Variants in DHRSX observed in about 807,000 individuals in gnomAD.
The protein encoded by DHRSX is polyprenol dehydrogenase.
Under a neutral mutation model 34.0 loss-of-function variants are expected in DHRSX, and 31 were observed. The observed-to-expected ratio is 0.91, with a 90% CI of 0.69 to 1.23. DHRSX has a LOEUF of 1.23. Among genes scored for constraint, DHRSX ranks in the 50% most tolerant of loss-of-function variants. The probability of loss-of-function intolerance (pLI) is 0.00; values close to 1 mark genes in which losing one functional copy is unlikely to be tolerated. For synonymous variants in DHRSX, 201 were observed against 183.8 expected (o/e 1.09, Z -0.76); for missense variants, 414 against 428.1 (o/e 0.97, Z 0.29).
At chrX:2,416,709 A>T (rs2043698678) in intron 2 of DHRSX, among the ~76,000 whole-genome samples, 1 of 152,192 alleles carries the variant, frequency 6.6e-6, no homozygotes. Context: ...CCCCACCAAA[A>T]TAATATTTTG....
chrX:2,223,667 G>T (rs2015571514), intron 6 of DHRSX, among the ~76,000 whole-genome samples: 1 of 151,554 alleles, frequency 6.6e-6, no homozygotes, highest in African/African-American at 2.4e-5. Context: ...AGGCACCCAT[G>T]GTGTTTGAGG....
chrX:2,316,244 C>T (rs185331515), intron 3 of DHRSX, among the ~76,000 whole-genome samples: 2 of 151,780 alleles, frequency 1.3e-5, no homozygotes, highest in East Asian at 3.9e-4. Context: ...ATATGGGAGT[C>T]TGCTTCTTCA....
intron 1 of DHRSX, among the ~76,000 whole-genome samples, chrX:2,439,931 T>G (rs2044042125): frequency 6.6e-6 from 1 of 152,146 alleles, no homozygotes; most frequent in Non-Finnish European, 1.5e-5. Context: ...GGACCGGTAC[T>G]GGATGCAAGG....
chrX:2,363,674 G>A (rs868014381), intron 3 of DHRSX, among the ~76,000 whole-genome samples: 14 of 62,082 alleles, frequency 2.3e-4, no homozygotes, highest in Non-Finnish European at 5.8e-4. Flanking sequence ...GTATCATGCT[G>A]CCATTTTATC....
At chrX:2,440,609 TTC>T (rs1472786658) in intron 1 of DHRSX, among the ~76,000 whole-genome samples, 1 of 152,060 alleles carries the variant, frequency 6.6e-6, no homozygotes, top group Non-Finnish European at 1.5e-5. Context: ...GCCTTCATCT[TTC>T]TCCCATGCTG....
intron 3 of DHRSX, among the ~76,000 whole-genome samples, chrX:2,354,978 A>C (rs1361746986): frequency 3.9e-5 from 6 of 152,186 alleles, no homozygotes; most frequent in African/African-American, 1.4e-4. Context: ...CAAACACAAA[A>C]AACAGGAAAG....
chrX:2,318,426 T>C (rs1038928593), intron 3 of DHRSX, among the ~76,000 whole-genome samples: 2 of 151,868 alleles, frequency 1.3e-5, no homozygotes, highest in Non-Finnish European at 2.9e-5. Context: ...GGCATTAAGA[T>C]ACAGGTCCTA....
intron 4 of DHRSX, among the ~76,000 whole-genome samples, chrX:2,274,760 C>A (rs1237040544): frequency 6.6e-6 from 1 of 151,998 alleles, no homozygotes; most frequent in Non-Finnish European, 1.5e-5. Context: ...CACAGTGTCA[C>A]GGAGACGTTT....
rs2015488816 is a variant in DHRSX, at chrX:2,220,033, A to G, written c.*1008T>C. 1 of 152,164 alleles carries G rather than the reference A, an allele frequency of 6.6e-6. No homozygotes were observed. The highest frequency in any genetic ancestry group is 1.5e-5 in the Non-Finnish European group (1 of 68,046). 9.4% of individuals were successfully genotyped at this position (152,164 alleles called of 1,614,324 possible). On this transcript the variant is annotated 3_prime_UTR_variant, in exon 7 of 7. Transcript: ENST00000334651. ...GTGACTACCAATTTGTTGGAGCCTT[A>G]AAACAAGAAAGATTTATTCTCTCTC...
intron 6 of DHRSX, among the ~76,000 whole-genome samples, chrX:2,234,618 C>T (rs1237771472): frequency 6.6e-6 from 1 of 152,220 alleles, no homozygotes; most frequent in African/African-American, 2.4e-5. Context: ...ATATACACAC[C>T]ATGGAATATT....
intron 1 of DHRSX, chrX:2,489,328 C>T: frequency 6.2e-7 from 1 of 1,613,938 alleles, no homozygotes; most frequent in Admixed American, 1.7e-5. Flanking sequence ...ACATGTCGAT[C>T]TCGGGCGTCT....
chrX:2,474,160 G>GC (rs1556530065), intron 1 of DHRSX, among the ~76,000 whole-genome samples: 36 of 151,958 alleles, frequency 2.4e-4, no homozygotes. Flanking sequence ...TCAGAAGAAT[G>GC]TGGCCAAGGG....
chrX:2,447,802 G>A (rs5982598), intron 1 of DHRSX, among the ~76,000 whole-genome samples: 47,493 of 122,700 alleles, frequency 0.39, 15,409 homozygotes, highest in African/African-American at 0.69. Context: ...ATATCATCTC[G>A]TATGTAGAAT....
intron 1 of DHRSX, among the ~76,000 whole-genome samples, chrX:2,443,487 T>G (rs192607698): frequency 6.6e-6 from 1 of 152,148 alleles, no homozygotes; most frequent in East Asian, 1.9e-4. Flanking sequence ...CAAGGGGAGT[T>G]CTGCCTCTCC....
At position 2,467,385 on chromosome X, in the gene DHRSX, G is replaced by A. The variant is rs748117531; in HGVS notation, c.109+33432C>T. ...AGCTCTAGTCAGTTTGTTCACAGCC[G>A]TGATTAAGGTGCCCACAGCATCCTC... On this transcript the variant is annotated intron_variant, in intron 1 of 6. Transcript: ENST00000334651. 2.0e-4 allele frequency among the ~76,000 whole-genome samples: 31 copies of A among 152,242 alleles called. 1 individual carries two copies. In the South Asian group the frequency reaches 5.2e-3, roughly 26 times the overall value.
chrX:2,468,459 A>G (rs2044531558), intron 1 of DHRSX, among the ~76,000 whole-genome samples: 1 of 134,160 alleles, frequency 7.5e-6, no homozygotes, highest in Non-Finnish European at 1.6e-5. Flanking sequence ...AAGAAACAAA[A>G]GCAGTTTACA....
chrX:2,487,190 G>A (rs1234907332), intron 1 of DHRSX: 1 of 152,204 alleles, frequency 6.6e-6, no homozygotes, highest in Non-Finnish European at 1.5e-5. Context: ...AACCCCTCCG[G>A]GGGCAATATT....
chrX:2,325,090 A>G (rs2042363218), intron 3 of DHRSX, among the ~76,000 whole-genome samples: 2 of 151,926 alleles, frequency 1.3e-5, no homozygotes, highest in Admixed American at 6.6e-5. Flanking sequence ...CTCTTTAACG[A>G]AAAGCAGCCC....
At chrX:2,335,158 C>T (rs1448410624) in intron 3 of DHRSX, among the ~76,000 whole-genome samples, 1 of 146,830 alleles carries the variant, frequency 6.8e-6, no homozygotes, top group Non-Finnish European at 1.5e-5. Context: ...GCACTCCAGC[C>T]TGGACAACAG....
Sources: gnomAD v4.1 joint callset for allele counts (sites outside exome capture counted in the v4.1 genomes callset) on GRCh38, gnomAD v4.1.1 for gene constraint, MANE v1.5 for transcripts, NCBI Gene and HGNC (gene_info 2026-07-23, HGNC 2026-07-21) for gene names.